IER3IP1: variants seen among roughly 807,000 people sequenced by gnomAD.
IER3IP1 encodes the protein immediate early response 3-interacting protein 1.
In IER3IP1, 16 loss-of-function variants were observed where a neutral mutation model predicts 12.2. That is an observed-to-expected ratio of 1.31 (90% confidence interval 0.89 to 1.99). IER3IP1 has a LOEUF of 1.99. IER3IP1 is among the 30% of genes most tolerant of loss of function. The probability of loss-of-function intolerance (pLI) is 0.00; values close to 1 mark genes in which losing one functional copy is unlikely to be tolerated. For missense variants in IER3IP1, 95 were observed against 95.8 expected (o/e 0.99, Z 0.03); for synonymous variants, 42 against 40.0 (o/e 1.05, Z -0.19).
chr18:47,165,709 T>C (rs926112175), intron 1 of IER3IP1, among the ~76,000 whole-genome samples: 2 of 152,260 alleles, frequency 1.3e-5, no homozygotes, highest in Non-Finnish European at 2.9e-5. Context: ...TAAAATAATA[T>C]ATTGGTCTAG....
intron 1 of IER3IP1, among the ~76,000 whole-genome samples, chr18:47,174,545 T>G (rs1033110815): frequency 6.6e-6 from 1 of 151,990 alleles, no homozygotes; most frequent in Non-Finnish European, 1.5e-5. Context: ...GGTGCGTGCC[T>G]GTAATCCCAG....
At chr18:47,163,779 A>T (rs1280943181) in intron 1 of IER3IP1, among the ~76,000 whole-genome samples, 1 of 152,182 alleles carries the variant, frequency 6.6e-6, no homozygotes, top group African/African-American at 2.4e-5. Flanking sequence ...AAAATTTAAA[A>T]AGAAAGCCCT....
intron 1 of IER3IP1, among the ~76,000 whole-genome samples, chr18:47,166,526 G>A (rs1032743782): frequency 6.6e-6 from 1 of 152,168 alleles, no homozygotes; most frequent in African/African-American, 2.4e-5. Flanking sequence ...CAAATACTGG[G>A]GAAGGATAAA....
intron 1 of IER3IP1, among the ~76,000 whole-genome samples, chr18:47,175,728 T>G (rs2049929444): frequency 6.6e-6 from 1 of 152,176 alleles, no homozygotes; most frequent in South Asian, 2.1e-4. Context: ...GCCAAAGTGC[T>G]GGGATTACAG....
rs544898263 is a variant in IER3IP1 at position 47,157,257 on chromosome 18, G to C, written c.193+179C>G. 8.2e-6 allele frequency: 5 copies of C among 608,014 alleles called. No individual in the cohort carries two copies. The Admixed American group carries it at 1.2e-4, about 15-fold the overall frequency. The allele number at this position is 608,014 out of a possible 1,614,324, so 37.7% of individuals were successfully genotyped here. A position where few individuals can be genotyped will look rare whatever the true frequency, so the allele number is the denominator to read the frequency against. On this transcript the variant is annotated intron_variant, in intron 2 of 2. Coordinates refer to ENST00000256433, the MANE Select transcript of IER3IP1 (RefSeq NM_016097.5). ...TTTGTACCAACTGGCTTAGATAGAA[G>C]TAAGAAGCAAACTAAGAAAAAAAAA...
rs118032758 is a variant in IER3IP1, at chr18:47,160,218, C to G, written c.92-2681G>C. Reference sequence around the variant, plus strand: ...CTCAAAAAAAAAAAAAAGTTCCCATCCTCTGTGCCATGCTTCTGTGTTGTT... The same window carrying G: ...CTCAAAAAAAAAAAAAAGTTCCCATGCTCTGTGCCATGCTTCTGTGTTGTT... On this transcript the variant is annotated intron_variant, in intron 1 of 2. Transcript: ENST00000256433. 1.1e-3 allele frequency among the ~76,000 whole-genome samples: 163 copies of G among 152,084 alleles called. 4 individuals are homozygous for G. In the East Asian group the frequency reaches 0.026, roughly 24 times the overall value.
At chr18:47,175,455 C>CGTTTT (rs1224108903) in intron 1 of IER3IP1, among the ~76,000 whole-genome samples, 2 of 68,180 alleles carry the variant, frequency 2.9e-5, no homozygotes, top group Non-Finnish European at 5.6e-5. Flanking sequence ...ACACCCAACT[C>CGTTTT]GTTTTGTTTT....
intron 1 of IER3IP1, among the ~76,000 whole-genome samples, chr18:47,159,844 T>C (rs2063974114): frequency 6.6e-6 from 1 of 152,128 alleles, no homozygotes; most frequent in South Asian, 2.1e-4. Flanking sequence ...TGGCACTTGC[T>C]CTTTTTGAAA....
At chr18:47,165,298 A>G (rs1220916564) in intron 1 of IER3IP1, among the ~76,000 whole-genome samples, 1 of 152,208 alleles carries the variant, frequency 6.6e-6, no homozygotes, top group Non-Finnish European at 1.5e-5. Flanking sequence ...CACGCCTGTA[A>G]TCTCAGCACT....
intron 1 of IER3IP1, among the ~76,000 whole-genome samples, chr18:47,162,926 C>T (rs1226430094): frequency 6.6e-6 from 1 of 151,808 alleles, no homozygotes; most frequent in African/African-American, 2.4e-5. Context: ...GAGCAATATT[C>T]ATAGTGATAA....
At chr18:47,169,320 G>A (rs548928634) in intron 1 of IER3IP1, among the ~76,000 whole-genome samples, 10 of 152,226 alleles carry the variant, frequency 6.6e-5, no homozygotes, top group East Asian at 3.9e-4. Context: ...GATATCTACA[G>A]TTTAGTCATC....
chr18:47,174,924 TTCC>T (rs1054115196), intron 1 of IER3IP1, among the ~76,000 whole-genome samples: 1 of 152,184 alleles, frequency 6.6e-6, no homozygotes, highest in Admixed American at 6.5e-5. Flanking sequence ...TTAGACACGC[TTCC>T]TCCAAGAAGC....
At chr18:47,158,341 A>G (rs1393307072) in intron 1 of IER3IP1, among the ~76,000 whole-genome samples, 1 of 151,840 alleles carries the variant, frequency 6.6e-6, no homozygotes, top group Admixed American at 6.6e-5. Flanking sequence ...TTTTTTTTTA[A>G]ATTGAGACAA....
rs2461247 is a variant in IER3IP1 at position 47,172,166 on chromosome 18, T to G, written c.91+4021A>C. Among the ~76,000 whole-genome samples the G allele has an allele frequency of 0.4, 61,383 of 151,942 alleles. 12,988 individuals are homozygous for G. The highest frequency in any genetic ancestry group is 0.48 in the Middle Eastern group (142 of 294). ...CTCCACTCTCTTCATAGTGCTGACT[T>G]GTTGAAGAGACAGGGCTAGTTTTCA... On this transcript the variant is annotated intron_variant, in intron 1 of 2. Coordinates refer to ENST00000256433, the MANE Select transcript of IER3IP1 (RefSeq NM_016097.5). The surrounding 1 kb of genome is among the most constrained non-coding windows in gnomAD (Gnocchi z 4.0).
At position 47,156,045 on chromosome 18, in the gene IER3IP1, G is replaced by A; in HGVS notation, c.*132C>T. The A allele has an allele frequency of 3.0e-6, 2 of 657,224 alleles. No homozygotes were observed. The highest frequency in any genetic ancestry group is 2.7e-6 in the Non-Finnish European group (1 of 367,432). 40.7% of individuals were successfully genotyped at this position (657,224 alleles called of 1,614,324 possible). A position where few individuals can be genotyped will look rare whatever the true frequency, so the allele number is the denominator to read the frequency against. ...AAAAAACAGATAAATAGAAACCCTG[G>A]TTTTATTTTCAGCTTTACATTTTTG... is the stretch of plus-strand genomic sequence containing the variant. On this transcript the variant is annotated 3_prime_UTR_variant, in exon 3 of 3. Transcript: ENST00000256433.
chr18:47,175,613 C>A (rs1485466817), intron 1 of IER3IP1, among the ~76,000 whole-genome samples: 1 of 152,070 alleles, frequency 6.6e-6, no homozygotes, highest in African/African-American at 2.4e-5. Context: ...TGTATTTCCA[C>A]CACCACGTCC....
chr18:47,156,970 T>C (rs1212571027), intron 2 of IER3IP1: 1 of 173,460 alleles, frequency 5.8e-6, no homozygotes. Context: ...TTTGTATTTT[T>C]AGTAGAGACG....
Position 47,176,317 on chromosome 18 carries a change from C to G in IER3IP1, c.-40G>C, listed in dbSNP as rs537535621. On this transcript the variant is annotated 5_prime_UTR_variant, in exon 1 of 3. Coordinates refer to ENST00000256433, the MANE Select transcript of IER3IP1 (RefSeq NM_016097.5). Reference sequence around the variant, plus strand: ...GCCCCGAAGTCCAAGCGATTTCTCTCCCGCCGCCGCAAGGGACGTGGCGCC... The same window carrying G: ...GCCCCGAAGTCCAAGCGATTTCTCTGCCGCCGCCGCAAGGGACGTGGCGCC... 1.1e-5 allele frequency: 17 copies of G among 1,540,456 alleles called. No homozygotes were observed. Among genetic ancestry groups the G allele is most frequent in the African/African-American group, 4.1e-5 (3 of 73,448 alleles).
chr18:47,163,359 A>G (rs1470127123), intron 1 of IER3IP1, among the ~76,000 whole-genome samples: 1 of 152,232 alleles, frequency 6.6e-6, no homozygotes, highest in African/African-American at 2.4e-5. Context: ...TAGCACGGAG[A>G]TGCTGGACAA....
Sources: gnomAD v4.1 joint callset for allele counts (sites outside exome capture counted in the v4.1 genomes callset) on GRCh38, gnomAD v4.1.1 for gene constraint, Gnocchi (gnomAD v3.1) non-coding constraint, MANE v1.5 for transcripts, NCBI Gene and HGNC (gene_info 2026-07-23, HGNC 2026-07-21) for gene names.